The following EGF variants were observed in gnomAD, a reference collection of about 807,000 sequenced individuals.
EGF encodes the protein epidermal growth factor.
In EGF, 95 loss-of-function variants were observed where a neutral mutation model predicts 143.8. The observed-to-expected ratio is 0.66, with a 90% CI of 0.56 to 0.78. The LOEUF (loss-of-function observed/expected upper bound fraction) is 0.78. EGF is among the 30% of genes least tolerant of loss of function. The pLI is 0.00. For synonymous variants in EGF, 510 were observed against 510.5 expected (o/e 1.00, Z 0.01); for missense variants, 1,320 against 1,470.9 (o/e 0.90, Z 1.68).
At chr4:109,966,032 T>TA (rs200537911) in intron 10 of EGF, among the ~76,000 whole-genome samples, 53 of 147,882 alleles carry the variant, frequency 3.6e-4, no homozygotes, top group African/African-American at 1.2e-3. Flanking sequence ...CCCATATCTT[T>TA]AAAAAAATAT....
chr4:109,915,636 C>T (rs769253198), intron 1 of EGF, among the ~76,000 whole-genome samples: 1 of 152,188 alleles, frequency 6.6e-6, no homozygotes. Context: ...TCACTGTGTG[C>T]ATTTCAGAGG....
chr4:109,987,594 A>C (rs553636075), intron 16 of EGF, 150 bp from the exon 17 acceptor site: 2 of 734,240 alleles, frequency 2.7e-6, no homozygotes, highest in South Asian at 2.8e-5. Context: ...AGTATAGTTT[A>C]TAGGTCAACT....
rs146224376 is a variant in EGF, at chr4:109,961,943, C to T, written c.1270C>T (p.Pro424Ser). 2 of 1,613,900 alleles carry T rather than the reference C, an allele frequency of 1.2e-6. No individual in the cohort carries two copies. Among genetic ancestry groups the T allele is most frequent in the African/African-American group, 1.3e-5 (1 of 75,022 alleles). The change falls in exon 8 of 24, where the codon CCT becomes TCT. Residue 424 changes from proline to serine, a missense_variant. Coordinates refer to ENST00000265171, the MANE Select transcript of EGF (RefSeq NM_001963.6). ...LTSEGPLCFC[P>S]EGSVLERDGK... ...ATCAGAAGGTCCCTTATGTTTCTGT[C>T]CTGAAGGCTCAGTGCTTGAGAGAGA...
rs1741837579 is a variant in EGF at position 109,941,014 on chromosome 4, T to C, written c.196T>C (p.Tyr66His). Residue 66 changes from tyrosine (Y) to histidine (H), a missense_variant, in exon 2 of 24, where the codon TAT becomes CAT. Tyr to His is a moderately conservative substitution (Grantham distance 83). Around this residue, in one of 5 missense-constraint regions of EGF, gnomAD observed 9 missense variants for 26.6 expected, o/e 0.34. Transcript: ENST00000265171. Reference protein sequence around the residue: ...IFRIDTEGTNYEQLVVDAGVS... With the variant: ...IFRIDTEGTNHEQLVVDAGVS... ...TAGGATTGACACAGAAGGAACCAATTATGAGCAATTGGTGGTGGATGCTGG... is the reference window on the plus strand; with the variant it reads ...TAGGATTGACACAGAAGGAACCAATCATGAGCAATTGGTGGTGGATGCTGG... 6.2e-7 allele frequency: 1 copy of C among 1,613,954 alleles called. No homozygotes were observed. Among genetic ancestry groups the C allele is most frequent in the Non-Finnish European group, 8.5e-7 (1 of 1,179,990 alleles).
intron 14 of EGF, 111 bp from the exon 15 acceptor site, chr4:109,980,715 C>A (rs1749223561): frequency 8.4e-6 from 10 of 1,195,106 alleles, no homozygotes; most frequent in African/African-American, 1.5e-5. Flanking sequence ...AGATACACTG[C>A]ATTTCTCTCC....
intron 11 of EGF, among the ~76,000 whole-genome samples, chr4:109,969,905 G>A (rs1425313531): frequency 6.6e-6 from 1 of 152,156 alleles, no homozygotes; most frequent in African/African-American, 2.4e-5. Context: ...CCAAATGACA[G>A]GTGTACACTC....
At chr4:109,920,985 G>C (rs779747985) in intron 1 of EGF, among the ~76,000 whole-genome samples, 10 of 151,668 alleles carry the variant, frequency 6.6e-5, no homozygotes, top group Non-Finnish European at 1.2e-4. Context: ...CAAGATGACT[G>C]AGAGTCAGGT....
At chr4:110,002,223 T>C (rs1001494147) in intron 21 of EGF, among the ~76,000 whole-genome samples, 22 of 152,192 alleles carry the variant, frequency 1.4e-4, no homozygotes, top group African/African-American at 5.3e-4. Context: ...CTGGGTGTGG[T>C]GGCTCGTGTC....
chr4:109,955,928 C>T (rs928937955), intron 5 of EGF, among the ~76,000 whole-genome samples: 1 of 151,940 alleles, frequency 6.6e-6, no homozygotes, highest in East Asian at 1.9e-4. Flanking sequence ...AGAACAGATA[C>T]AAATCCAGGT....
intron 16 of EGF, among the ~76,000 whole-genome samples, chr4:109,986,593 CT>C (rs916058902): frequency 3.2e-4 from 48 of 152,026 alleles, no homozygotes; most frequent in African/African-American, 1.1e-3. Flanking sequence ...GTTTGGAGGG[CT>C]TTTTAAAAAA....
chr4:109,987,231 T>C (rs1750260567), intron 16 of EGF, among the ~76,000 whole-genome samples: 1 of 152,224 alleles, frequency 6.6e-6, no homozygotes, highest in African/African-American at 2.4e-5. Flanking sequence ...ACACACCAGA[T>C]AGTGCTTTAA....
At chr4:109,975,413 C>T (rs1748333152) in intron 12 of EGF, among the ~76,000 whole-genome samples, 1 of 152,182 alleles carries the variant, frequency 6.6e-6, no homozygotes, top group East Asian at 1.9e-4. Context: ...TGATTTGGAG[C>T]CAGCCAAATG....
At chr4:110,006,469 A>G (rs1753314322) in intron 22 of EGF, among the ~76,000 whole-genome samples, 1 of 152,186 alleles carries the variant, frequency 6.6e-6, no homozygotes, top group African/African-American at 2.4e-5. Flanking sequence ...TTTGGATTAG[A>G]TGATCTCTAA....
At chr4:109,962,972 C>T (rs766670403) in intron 8 of EGF, among the ~76,000 whole-genome samples, 7 of 150,490 alleles carry the variant, frequency 4.7e-5, no homozygotes, top group Non-Finnish European at 7.4e-5. Context: ...GAAGCTGAGG[C>T]AGGAGAATTG....
chr4:109,932,748 C>T (rs1740012629), intron 1 of EGF, among the ~76,000 whole-genome samples: 1 of 151,996 alleles, frequency 6.6e-6, no homozygotes, highest in African/African-American at 2.4e-5. Flanking sequence ...AGGAAATTAA[C>T]AATATATATT....
At position 110,011,705 on chromosome 4, in the gene EGF, C is replaced by A; in HGVS notation, c.*250C>A. ...AACTTATTAGAAACCCAAATTGGGACAACAGTGCTTTGTAAATTGTGTTGT... is the reference window on the plus strand; with the variant it reads ...AACTTATTAGAAACCCAAATTGGGAAAACAGTGCTTTGTAAATTGTGTTGT... On this transcript the variant is annotated 3_prime_UTR_variant, in exon 24 of 24. Coordinates refer to ENST00000265171, the MANE Select transcript of EGF (RefSeq NM_001963.6). 1 of 553,444 alleles carries A rather than the reference C, an allele frequency of 1.8e-6. No individual in the cohort carries two copies. The highest frequency in any genetic ancestry group is 3.2e-6 in the Non-Finnish European group (1 of 314,408). 34.3% of individuals were successfully genotyped at this position (553,444 alleles called of 1,614,324 possible).
intron 1 of EGF, among the ~76,000 whole-genome samples, chr4:109,922,700 CT>C (rs1670217712): frequency 6.6e-6 from 1 of 151,620 alleles, no homozygotes; most frequent in African/African-American, 2.4e-5. Flanking sequence ...GTTCTCTCAT[CT>C]TTGGTCAACG....
At chr4:109,999,525 C>T (rs767206164) in intron 20 of EGF, among the ~76,000 whole-genome samples, 154 bp from the exon 21 acceptor site, 6 of 152,146 alleles carry the variant, frequency 3.9e-5, no homozygotes, top group Non-Finnish European at 5.9e-5. Context: ...TAAATCATAG[C>T]GCTTTCAACT....
At position 110,011,240 on chromosome 4, in the gene EGF, T is replaced by A; in HGVS notation, c.3409T>A (p.Leu1137Ile). The change falls in exon 24 of 24, where the codon TTA becomes ATA. Residue 1137 changes from leucine (L) to isoleucine (I), a missense_variant. By Grantham distance (5) the Leu-to-Ile change is conservative (BLOSUM62 2). Around this residue, in one of 5 missense-constraint regions of EGF, gnomAD observed 1,186 missense variants for 1,313.7 expected, o/e 0.90. Coordinates refer to ENST00000265171, the MANE Select transcript of EGF (RefSeq NM_001963.6). ...QPTSWRQEPQ[L>I]CGMGTEQGCW... Reference sequence around the variant, plus strand: ...AACTTCATGGAGGCAGGAGCCCCAGTTATGTGGAATGGGCACAGAGCAAGG... The same window carrying A: ...AACTTCATGGAGGCAGGAGCCCCAGATATGTGGAATGGGCACAGAGCAAGG... 1 of 1,614,128 alleles carries A rather than the reference T, an allele frequency of 6.2e-7. No homozygotes were observed.
Sources: gnomAD v4.1 joint callset for allele counts (sites outside exome capture counted in the v4.1 genomes callset) on GRCh38, gnomAD v4.1.1 for gene constraint, gnomAD v4.1.1 regional missense constraint, MANE v1.5 for transcripts, NCBI Gene and HGNC (gene_info 2026-07-23, HGNC 2026-07-21) for gene names.